FRMD3: variants seen among roughly 807,000 people sequenced by gnomAD.
FRMD3 encodes FERM domain containing 3.
A neutral mutation model predicts 70.2 loss-of-function variants in FRMD3; 33 were observed. The observed-to-expected ratio is 0.47, with a 90% CI of 0.36 to 0.63. The LOEUF is 0.63. Ranked by LOEUF, FRMD3 falls within the 20% of genes least tolerant of loss-of-function variation. The probability of loss-of-function intolerance (pLI) is 0.00; values close to 1 mark genes in which losing one functional copy is unlikely to be tolerated. For missense variants in FRMD3, 632 were observed against 711.4 expected (o/e 0.89, Z 1.27); for synonymous variants, 279 against 255.9 (o/e 1.09, Z -0.86).
intron 13 of FRMD3, chr9:83,275,986 G>GC (rs1303669323): frequency 1.3e-5 from 2 of 152,196 alleles, no homozygotes; most frequent in African/African-American, 2.4e-5. Flanking sequence ...TTCATCCGAG[G>GC]CACAATTATT....
chr9:83,543,429 C>T (rs1182197881), upstream of FRMD3, among the ~76,000 whole-genome samples: 1 of 152,114 alleles, frequency 6.6e-6, no homozygotes, highest in Non-Finnish European at 1.5e-5. Context: ...GTGTGGGCGG[C>T]AATTTGGGAA....
intron 10 of FRMD3, among the ~76,000 whole-genome samples, chr9:83,304,890 T>A (rs1026648252): frequency 6.6e-6 from 1 of 152,060 alleles, no homozygotes; most frequent in African/African-American, 2.4e-5. Context: ...GGGTCTGGAG[T>A]AGGCGGGAAA....
intron 1 of FRMD3, among the ~76,000 whole-genome samples, chr9:83,500,642 T>G (rs1327874488): frequency 4.6e-5 from 7 of 152,158 alleles, no homozygotes; most frequent in African/African-American, 1.7e-4. Context: ...CTTCTCTTCA[T>G]CTCTAGCACT....
intron 1 of FRMD3, among the ~76,000 whole-genome samples, chr9:83,392,504 T>C (rs1020238243): frequency 6.6e-6 from 1 of 152,148 alleles, no homozygotes; most frequent in Non-Finnish European, 1.5e-5. Context: ...GAAGAGAGAC[T>C]GGGGAGTAAA....
chr9:83,329,651 C>T (rs1376240392), intron 6 of FRMD3, among the ~76,000 whole-genome samples: 1 of 152,166 alleles, frequency 6.6e-6, no homozygotes, highest in East Asian at 1.9e-4. Flanking sequence ...AAAAAACACA[C>T]TGTGTCATTC....
chr9:83,338,837 A>G (rs1423254615), intron 5 of FRMD3, among the ~76,000 whole-genome samples: 1 of 152,220 alleles, frequency 6.6e-6, no homozygotes, highest in Admixed American at 6.5e-5. Flanking sequence ...GAGGTGGGCC[A>G]TAAACTGATG....
intron 1 of FRMD3, among the ~76,000 whole-genome samples, chr9:83,445,695 C>CA (rs1827441103): frequency 6.6e-6 from 1 of 152,096 alleles, no homozygotes; most frequent in South Asian, 2.1e-4. Context: ...AGAGAAAGGA[C>CA]AATTGAGTTT....
At position 83,270,383 on chromosome 9, in the gene FRMD3, C is replaced by T. The variant is rs567121527; in HGVS notation, c.1195+20220G>A. ...CCATGGCTGCTCCTGCACAAACCAC[C>T]GGACACAGATCCGGGGAAAGGCAAC... On this transcript the variant is annotated intron_variant, in intron 13 of 13. Coordinates refer to ENST00000304195, the MANE Select transcript of FRMD3 (RefSeq NM_174938.6). Among the ~76,000 whole-genome samples, 5 of 152,312 alleles carry T rather than the reference C, an allele frequency of 3.3e-5. No homozygotes were observed. In the South Asian group the frequency reaches 8.3e-4, roughly 25 times the overall value.
intron 1 of FRMD3, among the ~76,000 whole-genome samples, chr9:83,436,841 T>C (rs1827151091): frequency 6.7e-6 from 1 of 148,676 alleles, no homozygotes; most frequent in African/African-American, 2.5e-5. Flanking sequence ...ATCCAGATGA[T>C]TTACCTAGGA....
chr9:83,379,559 C>T (rs1198016903), intron 2 of FRMD3, among the ~76,000 whole-genome samples: 1 of 152,060 alleles, frequency 6.6e-6, no homozygotes, highest in African/African-American at 2.4e-5. Flanking sequence ...AAGCTAAGAC[C>T]CCATCATTGA....
the FRMD3 span, among the ~76,000 whole-genome samples, chr9:83,582,221 G>A: frequency 1.3e-5 from 2 of 152,124 alleles, no homozygotes; most frequent in Non-Finnish European, 2.9e-5. Context: ...GCAGGTATGA[G>A]TCACTGCATC....
chr9:83,508,094 A>G (rs946222815), intron 1 of FRMD3, among the ~76,000 whole-genome samples: 6 of 152,182 alleles, frequency 3.9e-5, no homozygotes, highest in African/African-American at 1.4e-4. Context: ...AATTACAACT[A>G]TAAGCAACAA....
chr9:83,423,585 CTTTTTTTTTTTTTTT>C lies in FRMD3; in HGVS notation c.148-33892_148-33878del, dbSNP rs869226126. Among the ~76,000 whole-genome samples the C allele has an allele frequency of 6.6e-5, 4 of 60,480 alleles. No individual in the cohort carries two copies. In the South Asian group the frequency reaches 2.4e-3, roughly 36 times the overall value. The allele number at this position is 60,480 out of a possible 152,430, so 39.7% of individuals were successfully genotyped here. ...TTCCCTAGTTGCACTAGCCCTGTTT[CTTTTTTTTTTTTTTT>C]TTTTTTTTTTTTTGAGATGGAGTTT... On this transcript the variant is annotated intron_variant, in intron 1 of 13. Transcript: ENST00000304195.
chr9:83,447,295 T>C (rs1468583779), intron 1 of FRMD3, among the ~76,000 whole-genome samples: 1 of 152,204 alleles, frequency 6.6e-6, no homozygotes, highest in Non-Finnish European at 1.5e-5. Context: ...AGTGCTGGGA[T>C]TACAGGCGTG....
intron 13 of FRMD3, among the ~76,000 whole-genome samples, chr9:83,278,254 G>C (rs1330696087): frequency 6.6e-6 from 1 of 152,168 alleles, no homozygotes. Context: ...ACAGTCTGAG[G>C]GGTGGGCAGG....
intron 1 of FRMD3, among the ~76,000 whole-genome samples, chr9:83,481,239 A>G (rs1054788892): frequency 3.9e-5 from 6 of 152,290 alleles, no homozygotes; most frequent in African/African-American, 1.2e-4. Context: ...CATTATTATA[A>G]ACAAATAAGT....
At chr9:83,261,882 T>G (rs1396453127) in intron 13 of FRMD3, among the ~76,000 whole-genome samples, 2 of 152,222 alleles carry the variant, frequency 1.3e-5, no homozygotes, top group Non-Finnish European at 2.9e-5. Flanking sequence ...AATTGTGCTA[T>G]TCCCAGTTTC....
chr9:83,499,369 G>C (rs1311547345), intron 1 of FRMD3, among the ~76,000 whole-genome samples: 1 of 152,068 alleles, frequency 6.6e-6, no homozygotes, highest in African/African-American at 2.4e-5. Context: ...AGCTGATGAG[G>C]GGGCCTCATC....
chr9:83,530,074 T>C (rs966068180), intron 1 of FRMD3, among the ~76,000 whole-genome samples: 1 of 152,180 alleles, frequency 6.6e-6, no homozygotes, highest in Non-Finnish European at 1.5e-5. Flanking sequence ...TGAAAAACTG[T>C]TTGACAGTTA....
Sources: allele counts gnomAD v4.1 joint callset (sites outside exome capture counted in the v4.1 genomes callset), GRCh38; gene constraint gnomAD v4.1.1; transcripts MANE v1.5; gene names NCBI Gene and HGNC (gene_info 2026-07-23, HGNC 2026-07-21).